The following SETDB1 variants were observed in gnomAD, a reference collection of about 807,000 sequenced individuals.
SETDB1 encodes the protein SET domain bifurcated histone lysine methyltransferase 1.
SETDB1 carries 31 observed loss-of-function variants against 137.4 expected under a neutral mutation model. The ratio of observed to expected loss-of-function variants is 0.23; its 90% CI spans 0.17 to 0.30. The LOEUF is 0.30. SETDB1 is among the 10% of genes least tolerant of loss of function. SETDB1 has a pLI of 1.00. For synonymous variants in SETDB1, 548 were observed against 579.9 expected (o/e 0.95, Z 0.79); for missense variants, 1,113 against 1,631.5 (o/e 0.68, Z 5.47).
intron 14 of SETDB1, among the ~76,000 whole-genome samples, chr1:150,957,080 G>A (rs1347451820): frequency 3.3e-5 from 5 of 151,258 alleles, no homozygotes; most frequent in African/African-American, 1.2e-4. Context: ...TTGTGCCGCT[G>A]CACTATGGTC....
At chr1:150,950,169 G>A (rs955695299) in intron 12 of SETDB1, among the ~76,000 whole-genome samples, 6 of 152,012 alleles carry the variant, frequency 3.9e-5, no homozygotes, top group African/African-American at 1.5e-4. Context: ...AGGAGGCAGA[G>A]GTTGTGGTGA....
intron 20 of SETDB1, 46 bp downstream of exon 20, chr1:150,963,787 C>T (rs1670900063): frequency 2.5e-6 from 4 of 1,572,060 alleles, no homozygotes; most frequent in African/African-American, 2.7e-5. Flanking sequence ...ATCCCATGGT[C>T]CTCAGATTTC....
chr1:150,957,100 G>C (rs1027967602), intron 14 of SETDB1, among the ~76,000 whole-genome samples: 2 of 150,418 alleles, frequency 1.3e-5, no homozygotes, highest in African/African-American at 2.5e-5. Context: ...CTGGGTGACA[G>C]AGCAAGACCA....
chr1:150,927,000 T>C (rs1211382204), intron 1 of SETDB1, among the ~76,000 whole-genome samples: 3 of 152,208 alleles, frequency 2.0e-5, no homozygotes, highest in Non-Finnish European at 4.4e-5. Context: ...ATCAACTCCA[T>C]CCCCAGGTGG....
intron 3 of SETDB1, among the ~76,000 whole-genome samples, chr1:150,936,905 G>T (rs1026752407): frequency 4.6e-5 from 7 of 152,010 alleles, no homozygotes; most frequent in Non-Finnish European, 1.0e-4. Flanking sequence ...CGGGTGGATC[G>T]CCTGAGGTCA....
Position 150,947,031 on chromosome 1 carries a change from C to G in SETDB1, c.1267+19C>G, listed in dbSNP as rs769531331. The G allele has an allele frequency of 6.2e-7, 1 of 1,613,104 alleles. No homozygotes were observed. The highest frequency in any genetic ancestry group is 8.5e-7 in the Non-Finnish European group (1 of 1,179,322). Reference sequence around the variant, plus strand: ...AATATGGGTATGTCCTGAAAGATTCCTGGAGGAAGGAAGAAACAGGCCAAC... The same window carrying G: ...AATATGGGTATGTCCTGAAAGATTCGTGGAGGAAGGAAGAAACAGGCCAAC... On this transcript the variant is annotated intron_variant, in intron 10 of 21. Transcript: ENST00000692827.
At chr1:150,932,631 T>C (rs867150314) in intron 3 of SETDB1, among the ~76,000 whole-genome samples, 1 of 152,204 alleles carries the variant, frequency 6.6e-6, no homozygotes, top group Non-Finnish European at 1.5e-5. Flanking sequence ...CTTTTTCTGT[T>C]CCATGATCTA....
In SETDB1 at chr1:150,951,024, G is replaced by A. The variant is rs1458348087; in HGVS notation, c.2150G>A (p.Gly717Asp). The change falls in exon 13 of 22, where the codon GGT (glycine) becomes GAT (aspartate). Residue 717 changes from glycine (G) to aspartate (D), a missense_variant. Physicochemically the swap from Gly to Asp is moderately conservative, Grantham distance 94. Around this residue, in one of 11 missense-constraint regions of SETDB1, gnomAD observed 81 missense variants for 123.4 expected, o/e 0.66. Transcript: ENST00000692827. ...AGCAAGGAACGTATCCCGGGCAAGG[G>A]TGTTTTCATTAACACAGGCCCTGAA... ...AYSKERIPGK[G>D]VFINTGPEFL... 1 of 1,614,132 alleles carries A rather than the reference G, an allele frequency of 6.2e-7. No homozygotes were observed. The highest frequency in any genetic ancestry group is 8.5e-7 in the Non-Finnish European group (1 of 1,180,006).
At position 150,963,082 on chromosome 1, in the gene SETDB1, C is replaced by G. The variant is rs1670873130; in HGVS notation, c.3403C>G (p.Gln1135Glu). The change falls in exon 19 of 22, where the codon CAG becomes GAG. Residue 1135 changes from glutamine to glutamate, a missense_variant. This residue lies in a region of SETDB1 where 373 missense variants were observed against 412.7 expected (regional missense o/e 0.90). Transcript: ENST00000692827. ...SATAVDSDDI[Q>E]TISSGSEGDD... is the part of the protein sequence containing the mutation. ...TACAGCGGTTGACAGTGATGATATCCAGACCATATCCTCTGGCTCTGAAGG... is the reference window on the plus strand; with the variant it reads ...TACAGCGGTTGACAGTGATGATATCGAGACCATATCCTCTGGCTCTGAAGG... The G allele has an allele frequency of 6.2e-7, 1 of 1,614,164 alleles. No individual in the cohort carries two copies.
At chr1:150,933,779 C>CT (rs890205371) in intron 3 of SETDB1, among the ~76,000 whole-genome samples, 4,682 of 20,086 alleles carry the variant, frequency 0.23, 637 homozygotes, top group African/African-American at 0.4. Flanking sequence ...TTTTCTTTTT[C>CT]TTTTTTTTTT....
chr1:150,955,525 G>A (rs1248114349), intron 14 of SETDB1, among the ~76,000 whole-genome samples: 1 of 152,094 alleles, frequency 6.6e-6, no homozygotes, highest in Non-Finnish European at 1.5e-5. Context: ...ACTTTTCTTT[G>A]TGTGGCTATC....
At chr1:150,956,835 C>G (rs769201300) in intron 14 of SETDB1, among the ~76,000 whole-genome samples, 8 of 151,622 alleles carry the variant, frequency 5.3e-5, no homozygotes, top group African/African-American at 1.9e-4. Context: ...GAAAAAAAAG[C>G]TAGACATGGT....
chr1:150,954,780 C>G (rs1172697233), intron 14 of SETDB1, among the ~76,000 whole-genome samples: 1 of 152,196 alleles, frequency 6.6e-6, no homozygotes, highest in Non-Finnish European at 1.5e-5. Flanking sequence ...TTTGGTGTTA[C>G]AGTAGGCTAA....
intron 19 of SETDB1, 33 bp from the exon 20 acceptor site, chr1:150,963,497 A>T: frequency 6.5e-7 from 1 of 1,532,564 alleles, no homozygotes; most frequent in Non-Finnish European, 8.9e-7. Flanking sequence ...ATGAGTTGGG[A>T]TGGGTCCTGA....
chr1:150,961,090 G>A lies in SETDB1; in HGVS notation c.3031G>A (p.Gly1011Arg), dbSNP rs1670801854. 1 of 1,613,912 alleles carries A rather than the reference G, an allele frequency of 6.2e-7. No individual in the cohort carries two copies. Among genetic ancestry groups the A allele is most frequent in the South Asian group, 1.1e-5 (1 of 91,076 alleles). Residue 1011 changes from glycine (G) to arginine (R), a missense_variant, in exon 16 of 22, where the codon GGG becomes AGG. Physicochemically the swap from Gly to Arg is moderately radical, Grantham distance 125. Around this residue, in one of 11 missense-constraint regions of SETDB1, gnomAD observed 373 missense variants for 412.7 expected, o/e 0.90. Transcript: ENST00000692827. ...SHSSFKTNEG[G>R]EGRAGGSRME... ...TTCATCCTTCAAGACTAATGAAGGT[G>A]GGGAGGGCCGGGCTGGGGGAAGCCG...
chr1:150,929,922 T>C (rs1343843885), intron 2 of SETDB1, 45 bp from the exon 3 acceptor site: 1 of 1,553,166 alleles, frequency 6.4e-7, no homozygotes, highest in South Asian at 1.2e-5. Context: ...TATCTCTTAA[T>C]TCCTCTACTG....
chr1:150,928,281 A>C (rs2102626314), intron 2 of SETDB1: 2 of 337,276 alleles, frequency 5.9e-6, no homozygotes, highest in Admixed American at 9.1e-5. Flanking sequence ...CTGTGTACCA[A>C]ACATTTTATA....
At chr1:150,941,811 A>G (rs1670166545) in intron 5 of SETDB1, among the ~76,000 whole-genome samples, 2 of 151,862 alleles carry the variant, frequency 1.3e-5, no homozygotes, top group South Asian at 2.1e-4. Context: ...TCGGCAACAT[A>G]GTGAAACCCC....
At chr1:150,939,410 C>T (rs184384822) in intron 3 of SETDB1, among the ~76,000 whole-genome samples, 3 of 152,226 alleles carry the variant, frequency 2.0e-5, no homozygotes, top group African/African-American at 7.2e-5. Context: ...TCGTTGCAGC[C>T]TCTGCCTCCC....
Sources: gnomAD v4.1 joint callset for allele counts (sites outside exome capture counted in the v4.1 genomes callset) on GRCh38, gnomAD v4.1.1 for gene constraint, gnomAD v4.1.1 regional missense constraint, MANE v1.5 for transcripts, NCBI Gene and HGNC (gene_info 2026-07-23, HGNC 2026-07-21) for gene names.